The following PPP2R1B variants were observed in gnomAD, a reference collection of about 807,000 sequenced individuals.
PPP2R1B encodes the protein protein phosphatase 2 scaffold subunit Abeta.
Under a neutral mutation model 72.7 loss-of-function variants are expected in PPP2R1B, and 58 were observed. That is an observed-to-expected ratio of 0.80 (90% CI 0.65 to 0.99). The LOEUF (loss-of-function observed/expected upper bound fraction) is 0.99, where lower values mean the gene tolerates loss of function less well. Among genes scored for constraint, PPP2R1B ranks in the 50% least tolerant of loss-of-function variants. The pLI is 0.00. For synonymous variants in PPP2R1B, 256 were observed against 264.6 expected, an observed-to-expected ratio of 0.97 and a Z score of 0.32; for missense variants, 695 against 733.6, an observed-to-expected ratio of 0.95 and a Z score of 0.61.
chr11:111,726,718 A>C (rs533612), downstream of PPP2R1B: 20 of 502,882 alleles, frequency 4.0e-5, no homozygotes, highest in Non-Finnish European at 6.4e-5. Flanking sequence ...ACTAACAAAC[A>C]AAACACTAAG....
At chr11:111,763,833 TAGAC>T (rs748992925) in intron 3 of PPP2R1B, among the ~76,000 whole-genome samples, 11 of 148,710 alleles carry the variant, frequency 7.4e-5, no homozygotes, top group Non-Finnish European at 1.0e-4. Context: ...CCTATATACA[TAGAC>T]AGAAAAAAAA....
chr11:111,714,302 AGATG>A, the PPP2R1B span, among the ~76,000 whole-genome samples: 1 of 152,222 alleles, frequency 6.6e-6, no homozygotes, highest in South Asian at 2.1e-4. Context: ...CAAGAAATTT[AGATG>A]TTTTCCCTAA....
chr11:111,761,338 T>C (rs1945320681), intron 3 of PPP2R1B: 1 of 498,100 alleles, frequency 2.0e-6, no homozygotes, highest in African/African-American at 1.9e-5. Flanking sequence ...TTAATATTAC[T>C]GTGAGTTGAA....
At chr11:111,726,962 G>GTAT in exon 16 of PPP2R1B, 1 of 1,612,976 alleles carries the variant, frequency 6.2e-7, no homozygotes, top group Non-Finnish European at 8.5e-7. Context: ...TAAATCTGGG[G>GTAT]TATTAGTCTG....
At position 111,765,216 on chromosome 11, in the gene PPP2R1B, A is replaced by G. The variant is rs1267322876; in HGVS notation, c.205+78T>C. On this transcript the variant is annotated intron_variant, in intron 2 of 14. Transcript: ENST00000527614. Reference sequence around the variant, plus strand: ...CCTGGCTCATTTTAATGTGGGTAATAAACTCTAAAAAAGTCAGTGTTGAAA... The same window carrying G: ...CCTGGCTCATTTTAATGTGGGTAATGAACTCTAAAAAAGTCAGTGTTGAAA... The G allele has an allele frequency of 3.6e-6, 5 of 1,378,540 alleles. No homozygotes were observed. The African/African-American group carries it at 7.3e-5, about 20-fold the overall frequency. 85.4% of individuals were successfully genotyped at this position (1,378,540 alleles called of 1,614,324 possible).
intron 9 of PPP2R1B, among the ~76,000 whole-genome samples, 176 bp from the exon 10 acceptor site, chr11:111,752,508 A>T (rs1258220125): frequency 6.6e-6 from 1 of 152,272 alleles, no homozygotes; most frequent in Non-Finnish European, 1.5e-5. Flanking sequence ...GATCTTAATC[A>T]GAAATTTCAA....
rs912419580 is a variant in PPP2R1B at position 111,739,549 on chromosome 11, C to T, written c.*2047G>A. On this transcript the variant is annotated 3_prime_UTR_variant, in exon 15 of 15. Coordinates refer to ENST00000527614, the MANE Select transcript of PPP2R1B (RefSeq NM_002716.5). ...ATGCTTGAGAAAGCCAGGGCCCACT[C>T]TCCCTCTCTCAAACAGTTTTAGGGT... The T allele has an allele frequency of 1.0e-6, 1 of 985,328 alleles. No homozygotes were observed. The highest frequency in any genetic ancestry group is 1.2e-6 in the Non-Finnish European group (1 of 829,954). The allele number at this position is 985,328 out of a possible 1,614,324, so 61.0% of individuals were successfully genotyped here.
At chr11:111,703,159 G>T in the PPP2R1B span, 1 of 1,567,238 alleles carries the variant, frequency 6.4e-7, no homozygotes. Flanking sequence ...ACCCTGAAGT[G>T]CAAGGTGATT....
chr11:111,703,465 A>G, the PPP2R1B span: 1 of 1,577,592 alleles, frequency 6.3e-7, no homozygotes, highest in East Asian at 2.2e-5. Context: ...GCACTTAGCT[A>G]CTTGAAATTT....
the PPP2R1B span, among the ~76,000 whole-genome samples, chr11:111,694,391 T>C: frequency 6.6e-6 from 1 of 152,178 alleles, no homozygotes; most frequent in Non-Finnish European, 1.5e-5. Flanking sequence ...GCCTGATTAA[T>C]CTGACCTGTA....
Position 111,741,402 on chromosome 11 carries a change from A to T in PPP2R1B, c.*194T>A. ...GAACGGCTTAAATAATGATTTAACA[A>T]GGAAGACGAGTAAAAAACAATCCCA... On this transcript the variant is annotated 3_prime_UTR_variant, in exon 15 of 15. Transcript: ENST00000527614. 7 of 1,402,088 alleles carry T rather than the reference A, an allele frequency of 5.0e-6. No individual in the cohort carries two copies. Among genetic ancestry groups the T allele is most frequent in the Non-Finnish European group, 6.5e-6 (7 of 1,082,324 alleles). 86.9% of individuals were successfully genotyped at this position (1,402,088 alleles called of 1,614,324 possible). A position where few individuals can be genotyped will look rare whatever the true frequency, so the allele number is the denominator to read the frequency against.
rs1166294504 is a variant in PPP2R1B at position 111,739,911 on chromosome 11, G to T, written c.*1685C>A. The T allele has an allele frequency of 1.1e-5, 11 of 981,902 alleles. No homozygotes were observed. The South Asian group carries it at 2.4e-4, about 21-fold the overall frequency. 60.8% of individuals were successfully genotyped at this position (981,902 alleles called of 1,614,324 possible). A position where few individuals can be genotyped will look rare whatever the true frequency, so the allele number is the denominator to read the frequency against. On this transcript the variant is annotated 3_prime_UTR_variant, in exon 15 of 15. Coordinates refer to ENST00000527614, the MANE Select transcript of PPP2R1B (RefSeq NM_002716.5). ...AAACTTACTATAAGGTAATTTGGCA[G>T]TTTAAAATGCAGACAGATAACCTCT...
Position 111,747,998 on chromosome 11 carries a change from T to G in PPP2R1B, c.1355A>C (p.Asp452Ala). Residue 452 changes from aspartate to alanine, a missense_variant, in exon 11 of 15, where the codon GAT (aspartate) becomes GCT (alanine). Asp to Ala is a moderately radical substitution (Grantham distance 126). Coordinates refer to ENST00000527614, the MANE Select transcript of PPP2R1B (RefSeq NM_002716.5). ...CATACATAAAGAATTCAGCTTTTCA[T>G]CAAAGAATTCCACACCCTACAGATA... ...LAGQLGVEFF[D>A]EKLNSLCMAW... The G allele has an allele frequency of 6.2e-7, 1 of 1,613,294 alleles. No homozygotes were observed. The highest frequency in any genetic ancestry group is 8.5e-7 in the Non-Finnish European group (1 of 1,179,754).
At chr11:111,760,106 G>A (rs1945270966) in intron 4 of PPP2R1B, among the ~76,000 whole-genome samples, 155 bp from the exon 5 acceptor site, 1 of 152,112 alleles carries the variant, frequency 6.6e-6, no homozygotes, top group African/African-American at 2.4e-5. Flanking sequence ...ATATTCAACT[G>A]GATAATAAAA....
downstream of PPP2R1B, among the ~76,000 whole-genome samples, chr11:111,734,852 C>T (rs1274031720): frequency 6.6e-6 from 1 of 152,194 alleles, no homozygotes; most frequent in African/African-American, 2.4e-5. Context: ...GCCCTGCCAG[C>T]CTAACTCTGT....
intron 2 of PPP2R1B, among the ~76,000 whole-genome samples, 156 bp from the exon 3 acceptor site, chr11:111,765,061 T>A (rs1171700097): frequency 6.6e-6 from 1 of 152,248 alleles, no homozygotes; most frequent in Non-Finnish European, 1.5e-5. Context: ...TTCCTGTATC[T>A]GCTTTGCACA....
the PPP2R1B span, chr11:111,712,264 G>A: frequency 6.2e-7 from 1 of 1,614,212 alleles, no homozygotes; most frequent in South Asian, 1.1e-5. Context: ...TGAGGCTGCT[G>A]CGATCTGCCC....
the PPP2R1B span, among the ~76,000 whole-genome samples, chr11:111,699,304 C>T: frequency 3.9e-5 from 6 of 152,186 alleles, no homozygotes; most frequent in African/African-American, 1.2e-4. Context: ...AACCTTGAAG[C>T]TCCCTCTAAA....
At chr11:111,695,065 C>G in the PPP2R1B span, among the ~76,000 whole-genome samples, 1 of 152,180 alleles carries the variant, frequency 6.6e-6, no homozygotes, top group Non-Finnish European at 1.5e-5. Context: ...GTTGGCCGAT[C>G]CACATTCAGT....
Sources: gnomAD v4.1 joint callset for allele counts (sites outside exome capture counted in the v4.1 genomes callset) on GRCh38, gnomAD v4.1.1 for gene constraint, MANE v1.5 for transcripts, NCBI Gene and HGNC (gene_info 2026-07-23, HGNC 2026-07-21) for gene names.